Variants in CNTNAP2 observed in about 807,000 individuals in gnomAD.
The protein encoded by CNTNAP2 is contactin-associated protein-like 2.
A neutral mutation model predicts 155.2 loss-of-function variants in CNTNAP2; 98 were observed. The ratio of observed to expected loss-of-function variants is 0.63; its 90% CI spans 0.54 to 0.75. The LOEUF (loss-of-function observed/expected upper bound fraction) is 0.75, where lower values mean the gene tolerates loss of function less well. CNTNAP2 is among the 30% of genes least tolerant of loss of function. The pLI, the probability that CNTNAP2 is intolerant of heterozygous loss-of-function variation, is 0.00. For synonymous variants in CNTNAP2, 651 were observed against 631.2 expected (o/e 1.03, Z -0.47); for missense variants, 1,727 against 1,688.1 (o/e 1.02, Z -0.40).
chr7:146,419,300 T>G (rs1795978911), intron 1 of CNTNAP2, among the ~76,000 whole-genome samples: 2 of 152,102 alleles, frequency 1.3e-5, no homozygotes, highest in Admixed American at 1.3e-4. Context: ...GCCCTCATCA[T>G]TCAATTATCT....
At chr7:147,546,696 A>G (rs1799741671) in intron 11 of CNTNAP2, among the ~76,000 whole-genome samples, 1 of 152,198 alleles carries the variant, frequency 6.6e-6, no homozygotes, top group Admixed American at 6.5e-5. Flanking sequence ...AAAAGCCAAT[A>G]CAACAGTGCA....
At chr7:147,925,197 A>G (rs1464876089) in intron 14 of CNTNAP2, among the ~76,000 whole-genome samples, 2 of 149,710 alleles carry the variant, frequency 1.3e-5, no homozygotes, top group African/African-American at 5.0e-5. Context: ...GAAGGAAGGA[A>G]GGAAGGAAGG....
chr7:148,041,440 G>A (rs1802672952), intron 15 of CNTNAP2, among the ~76,000 whole-genome samples: 1 of 152,234 alleles, frequency 6.6e-6, no homozygotes, highest in African/African-American at 2.4e-5. Flanking sequence ...CACAAACATG[G>A]AGCCCATTTG....
At chr7:147,832,358 TA>T (rs1798563895) in intron 13 of CNTNAP2, among the ~76,000 whole-genome samples, 1 of 146,542 alleles carries the variant, frequency 6.8e-6, no homozygotes, top group African/African-American at 2.5e-5. Context: ...ATATACATAA[TA>T]TATTTAATAT....
intron 1 of CNTNAP2, among the ~76,000 whole-genome samples, chr7:146,660,445 T>C (rs941162424): frequency 1.7e-4 from 26 of 152,252 alleles, no homozygotes; most frequent in Non-Finnish European, 1.5e-5. Context: ...TTTTATATCA[T>C]CGAGCTAAAT....
At chr7:147,230,535 C>T (rs190351708) in intron 8 of CNTNAP2, among the ~76,000 whole-genome samples, 24 of 152,270 alleles carry the variant, frequency 1.6e-4, no homozygotes, top group Admixed American at 5.2e-4. Context: ...AGGCATGAAC[C>T]ATGGTGGATG....
At chr7:146,434,581 C>T (rs1262553365) in intron 1 of CNTNAP2, among the ~76,000 whole-genome samples, 2 of 151,964 alleles carry the variant, frequency 1.3e-5, no homozygotes, top group Non-Finnish European at 2.9e-5. Flanking sequence ...GGTGGGAGCA[C>T]AATTTTAGGC....
intron 15 of CNTNAP2, among the ~76,000 whole-genome samples, chr7:148,109,401 TGAGA>T (rs1804295514): frequency 6.6e-6 from 1 of 151,800 alleles, no homozygotes; most frequent in African/African-American, 2.4e-5. Flanking sequence ...TTGTTTTGTT[TGAGA>T]TGGAGTTTCG....
At chr7:146,892,182 A>G (rs1795791888) in intron 3 of CNTNAP2, among the ~76,000 whole-genome samples, 1 of 152,168 alleles carries the variant, frequency 6.6e-6, no homozygotes, top group African/African-American at 2.4e-5. Flanking sequence ...AATGGCTGGC[A>G]AGTTGATGCT....
rs1345390357 is a variant in CNTNAP2 at position 147,925,292 on chromosome 7, G to GCGCA, written c.2255+21572_2255+21573insGCAC. ...CAGACAAACACACACAAGCGCGCGCGCACACACACACACACACACACACAC... is the reference window on the plus strand; with the variant it reads ...CAGACAAACACACACAAGCGCGCGCGCGCACACACACACACACACACACACACAC... On this transcript the variant is annotated intron_variant, in intron 14 of 23. Coordinates refer to ENST00000361727, the MANE Select transcript of CNTNAP2 (RefSeq NM_014141.6). 2.7e-4 allele frequency among the ~76,000 whole-genome samples: 39 copies of GCGCA among 143,220 alleles called. 1 individual carries two copies. The South Asian group carries it at 2.7e-3, about 10-fold the overall frequency. 94.0% of individuals were successfully genotyped at this position (143,220 alleles called of 152,430 possible). A position where few individuals can be genotyped will look rare whatever the true frequency, so the allele number is the denominator to read the frequency against.
intron 14 of CNTNAP2, among the ~76,000 whole-genome samples, chr7:147,917,642 T>C (rs1459076501): frequency 1.3e-5 from 2 of 152,228 alleles, no homozygotes; most frequent in African/African-American, 2.4e-5. Flanking sequence ...CTGGGTTCTG[T>C]AGCCTTTAAC....
At chr7:147,556,222 A>G (rs1391628411) in intron 11 of CNTNAP2, among the ~76,000 whole-genome samples, 28 of 152,080 alleles carry the variant, frequency 1.8e-4, no homozygotes, top group Admixed American at 1.8e-3. Flanking sequence ...CCTTGTGTTC[A>G]TCCACAACAC....
intron 1 of CNTNAP2, among the ~76,000 whole-genome samples, chr7:146,246,776 T>G (rs1089604): frequency 0.19 from 29,504 of 152,096 alleles, 7,461 homozygotes; most frequent in African/African-American, 0.59. Context: ...CAGATGGGAC[T>G]CGGCTTAGGA....
chr7:148,160,968 C>CT (rs1167203257), intron 17 of CNTNAP2, among the ~76,000 whole-genome samples: 1 of 152,184 alleles, frequency 6.6e-6, no homozygotes, highest in African/African-American at 2.4e-5. Flanking sequence ...CTTCTAATCT[C>CT]TTTATTCATT....
intron 13 of CNTNAP2, among the ~76,000 whole-genome samples, chr7:147,804,237 T>C (rs77205394): frequency 0.011 from 1,724 of 152,302 alleles, 95 homozygotes; most frequent in Admixed American, 0.09. Context: ...TTTTCATAAA[T>C]TGATAATTAA....
rs35756000 is a variant in CNTNAP2, at chr7:147,973,160, T to TAAAAAAAAAAAAAAAAAAAAAAA, written c.2256-4681_2256-4680insAAAAAAAAAAAAAAAAAAAAAAA. On this transcript the variant is annotated intron_variant, in intron 14 of 23. Coordinates refer to ENST00000361727, the MANE Select transcript of CNTNAP2 (RefSeq NM_014141.6). ...CAGAGCAAGACCCTGTCTCTAAAAT[T>TAAAAAAAAAAAAAAAAAAAAAAA]AAAAAAAAAAAAAAAAAAAAAGTAG... Among the ~76,000 whole-genome samples the TAAAAAAAAAAAAAAAAAAAAAAA allele has an allele frequency of 3.3e-5, 4 of 120,832 alleles. 1 individual carries two copies. Among genetic ancestry groups the TAAAAAAAAAAAAAAAAAAAAAAA allele is most frequent in the Admixed American group, 9.1e-5 (1 of 10,986 alleles). The allele number at this position is 120,832 out of a possible 152,430, so 79.3% of individuals were successfully genotyped here.
intron 10 of CNTNAP2, among the ~76,000 whole-genome samples, chr7:147,445,433 A>C (rs1797717629): frequency 6.6e-6 from 1 of 152,210 alleles, no homozygotes; most frequent in African/African-American, 2.4e-5. Flanking sequence ...TTGTGGATCT[A>C]GAAATTTTAT....
intron 1 of CNTNAP2, among the ~76,000 whole-genome samples, chr7:146,687,483 G>C (rs114084958): frequency 6.6e-6 from 1 of 151,998 alleles, no homozygotes. Context: ...CCTTTTTGTC[G>C]TGTATCACCA....
intron 11 of CNTNAP2, among the ~76,000 whole-genome samples, chr7:147,491,054 A>C (rs1183914312): frequency 6.6e-6 from 1 of 152,144 alleles, no homozygotes; most frequent in Admixed American, 6.5e-5. Flanking sequence ...TGGGGATTAC[A>C]GTTCAAGGTG....
Sources: gnomAD v4.1 joint callset for allele counts (sites outside exome capture counted in the v4.1 genomes callset) on GRCh38, gnomAD v4.1.1 for gene constraint, MANE v1.5 for transcripts, NCBI Gene and HGNC (gene_info 2026-07-23, HGNC 2026-07-21) for gene names.